The following JAZF1 variants were observed in gnomAD, a reference collection of about 807,000 sequenced individuals.
The protein encoded by JAZF1 is juxtaposed with another zinc finger protein 1.
A neutral mutation model predicts 26.4 loss-of-function variants in JAZF1; 8 were observed. That is an observed-to-expected ratio of 0.30 (90% CI 0.18 to 0.55). The LOEUF is 0.55. Ranked by LOEUF, JAZF1 falls within the 20% of genes least tolerant of loss-of-function variation. JAZF1 has a pLI of 0.94. For missense variants in JAZF1, 199 were observed against 322.0 expected, an observed-to-expected ratio of 0.62 and a Z score of 2.92; for synonymous variants, 126 against 122.3, an observed-to-expected ratio of 1.03 and a Z score of -0.20.
chr7:28,011,342 G>C (rs1318265156), intron 1 of JAZF1, among the ~76,000 whole-genome samples: 2 of 152,140 alleles, frequency 1.3e-5, no homozygotes, highest in Non-Finnish European at 2.9e-5. Context: ...TTAAACTTTT[G>C]AGTTTTAGAA....
intron 3 of JAZF1, among the ~76,000 whole-genome samples, chr7:27,860,387 A>T (rs953670008): frequency 6.6e-6 from 1 of 152,200 alleles, no homozygotes; most frequent in African/African-American, 2.4e-5. Context: ...TCAATGTTGC[A>T]CTATGATGAC....
At chr7:28,067,457 A>T (rs565540050) in intron 1 of JAZF1, among the ~76,000 whole-genome samples, 3 of 152,196 alleles carry the variant, frequency 2.0e-5, no homozygotes, top group Admixed American at 2.0e-4. Flanking sequence ...AGAGGTGACC[A>T]CACAGCACAG....
intron 1 of JAZF1, among the ~76,000 whole-genome samples, chr7:28,117,504 AAATT>A (rs1784765778): frequency 6.6e-6 from 1 of 152,184 alleles, no homozygotes; most frequent in African/African-American, 2.4e-5. Context: ...TCATCATATA[AAATT>A]AATTGATCAG....
At chr7:27,849,247 G>A (rs560789252) in intron 3 of JAZF1, among the ~76,000 whole-genome samples, 1 of 152,346 alleles carries the variant, frequency 6.6e-6, no homozygotes, top group Admixed American at 6.5e-5. Flanking sequence ...GACGTTCAGT[G>A]TGTGAGCAGG....
At chr7:27,857,120 G>A (rs1051218673) in intron 3 of JAZF1, among the ~76,000 whole-genome samples, 1 of 152,216 alleles carries the variant, frequency 6.6e-6, no homozygotes, top group Non-Finnish European at 1.5e-5. Context: ...CGCTCGTCGG[G>A]GAGGCTTGGG....
chr7:28,012,204 T>C (rs1782810738), intron 1 of JAZF1, among the ~76,000 whole-genome samples: 1 of 152,184 alleles, frequency 6.6e-6, no homozygotes, highest in Non-Finnish European at 1.5e-5. Context: ...AATGCACTGG[T>C]ATGTATTTCA....
chr7:27,952,464 C>T (rs1489777602), intron 2 of JAZF1, among the ~76,000 whole-genome samples: 1 of 152,248 alleles, frequency 6.6e-6, no homozygotes, highest in African/African-American at 2.4e-5. Context: ...GCAGACACAA[C>T]CTATGAGTAC....
chr7:28,061,400 T>C (rs1434993030), intron 1 of JAZF1, among the ~76,000 whole-genome samples: 1 of 152,208 alleles, frequency 6.6e-6, no homozygotes, highest in Non-Finnish European at 1.5e-5. Context: ...TTTAAGAAAG[T>C]ACACAAAACA....
chr7:27,839,587 C>T (rs1782883572), intron 4 of JAZF1, among the ~76,000 whole-genome samples: 1 of 152,298 alleles, frequency 6.6e-6, no homozygotes, highest in Middle Eastern at 3.4e-3. Flanking sequence ...CTCTGCCAGC[C>T]CTCAGAGGCT....
intron 1 of JAZF1, among the ~76,000 whole-genome samples, chr7:28,152,613 C>A (rs1278675740): frequency 3.9e-5 from 6 of 152,096 alleles, no homozygotes; most frequent in Non-Finnish European, 8.8e-5. Context: ...ACAAATGAAT[C>A]CTGACTTACT....
intron 2 of JAZF1, among the ~76,000 whole-genome samples, chr7:27,968,947 C>T (rs995372428): frequency 4.4e-4 from 67 of 152,112 alleles, no homozygotes; most frequent in Admixed American, 6.5e-5. Flanking sequence ...CAAGTTTGTA[C>T]GAATAATAGA....
At chr7:28,104,129 C>T (rs1022894242) in intron 1 of JAZF1, among the ~76,000 whole-genome samples, 3 of 152,128 alleles carry the variant, frequency 2.0e-5, no homozygotes, top group Non-Finnish European at 2.9e-5. Flanking sequence ...CCCAGCTGGC[C>T]ACCTTCCCAC....
chr7:28,033,890 C>T (rs539850548), intron 1 of JAZF1, among the ~76,000 whole-genome samples: 2 of 152,152 alleles, frequency 1.3e-5, no homozygotes, highest in East Asian at 1.9e-4. Flanking sequence ...TTACAGGCAC[C>T]GCCACTATGC....
At chr7:28,168,038 G>C (rs1783394810) in intron 1 of JAZF1, among the ~76,000 whole-genome samples, 1 of 152,148 alleles carries the variant, frequency 6.6e-6, no homozygotes, top group Non-Finnish European at 1.5e-5. Context: ...GAGTGGAGCA[G>C]TTGTCTTGCA....
intron 1 of JAZF1, among the ~76,000 whole-genome samples, chr7:28,090,814 G>GTTTTTTT (rs1470980185): frequency 8.2e-6 from 1 of 122,082 alleles, no homozygotes. Context: ...CTTTTTTTTA[G>GTTTTTTT]TTGTTTTTTT....
At chr7:27,986,412 T>A (rs1052917502) in intron 2 of JAZF1, among the ~76,000 whole-genome samples, 1 of 152,142 alleles carries the variant, frequency 6.6e-6, no homozygotes, top group Non-Finnish European at 1.5e-5. Context: ...ACAAGGGATG[T>A]GAAGGACCTC....
At chr7:27,957,205 C>CTG (rs1785111389) in intron 2 of JAZF1, among the ~76,000 whole-genome samples, 1 of 152,134 alleles carries the variant, frequency 6.6e-6, no homozygotes, top group African/African-American at 2.4e-5. Context: ...GCAGCCAGAC[C>CTG]CTGACATCAG....
At chr7:27,979,077 C>T (rs1202160372) in intron 2 of JAZF1, among the ~76,000 whole-genome samples, 5 of 152,076 alleles carry the variant, frequency 3.3e-5, no homozygotes, top group Non-Finnish European at 7.4e-5. Flanking sequence ...GTCGAGCCTA[C>T]CATTACTGCA....
At chr7:27,903,619 G>A (rs1188849264) in intron 2 of JAZF1, among the ~76,000 whole-genome samples, 1 of 152,200 alleles carries the variant, frequency 6.6e-6, no homozygotes, top group Non-Finnish European at 1.5e-5. Flanking sequence ...ACACGCTGGG[G>A]CCCATCTATA....
Sources: gnomAD v4.1 joint callset for allele counts (sites outside exome capture counted in the v4.1 genomes callset) on GRCh38, gnomAD v4.1.1 for gene constraint, MANE v1.5 for transcripts, NCBI Gene and HGNC (gene_info 2026-07-23, HGNC 2026-07-21) for gene names.